The following PKIB variants were observed in gnomAD, a reference collection of about 807,000 sequenced individuals.
PKIB encodes PKI-beta.
Under a neutral mutation model 4.5 loss-of-function variants are expected in PKIB, and 2 were observed. The ratio of observed to expected loss-of-function variants is 0.44; its 90% CI spans 0.18 to 1.39. The LOEUF (loss-of-function observed/expected upper bound fraction) is 1.39, where lower values mean the gene tolerates loss of function less well. Ranked by LOEUF, PKIB falls within the 40% of genes most tolerant of loss-of-function variation. The pLI is 0.27. For missense variants in PKIB, 94 were observed against 92.6 expected (o/e 1.02, Z -0.06); for synonymous variants, 38 against 36.0 (o/e 1.06, Z -0.20).
At chr6:122,544,767 A>G (rs1772438687) in intron 2 of PKIB, among the ~76,000 whole-genome samples, 1 of 152,140 alleles carries the variant, frequency 6.6e-6, no homozygotes, top group Non-Finnish European at 1.5e-5. Flanking sequence ...TAATATCCAG[A>G]ATCTGTAAAG....
At chr6:122,564,271 A>T (rs111558500) in intron 2 of PKIB, among the ~76,000 whole-genome samples, 1 of 152,098 alleles carries the variant, frequency 6.6e-6, no homozygotes, top group African/African-American at 2.4e-5. Flanking sequence ...TTGTTCTTGC[A>T]CTTGATCTGG....
intron 2 of PKIB, among the ~76,000 whole-genome samples, chr6:122,648,524 A>T (rs929164547): frequency 6.6e-6 from 1 of 152,222 alleles, no homozygotes; most frequent in African/African-American, 2.4e-5. Context: ...ACTCAGGATG[A>T]TGGAGAACAT....
At chr6:122,472,047 A>T (rs1775319119) in intron 1 of PKIB, 1 of 477,856 alleles carries the variant, frequency 2.1e-6, no homozygotes. Context: ...AAACGGTGTG[A>T]GCAAAACCCA....
chr6:122,665,120 A>G (rs565602968), intron 2 of PKIB, among the ~76,000 whole-genome samples: 19 of 152,314 alleles, frequency 1.2e-4, no homozygotes, highest in African/African-American at 3.8e-4. Flanking sequence ...TTGTTGACTC[A>G]TATACCTGGG....
rs564951960 is a variant in PKIB, at chr6:122,642,224, A to G, written c.-76+8857A>G. On this transcript the variant is annotated intron_variant, in intron 2 of 4. Transcript: ENST00000368452. ...TTTTGATTATTCATTCTTTTCTTAAATAAACTCTTAAATTTATTTTGTCTA... is the reference window on the plus strand; with the variant it reads ...TTTTGATTATTCATTCTTTTCTTAAGTAAACTCTTAAATTTATTTTGTCTA... Among the ~76,000 whole-genome samples the G allele has an allele frequency of 7.2e-4, 110 of 152,348 alleles. 1 individual carries two copies. The South Asian group carries it at 0.022, about 31-fold the overall frequency.
chr6:122,560,789 AATTT>A (rs1032034223), intron 2 of PKIB, among the ~76,000 whole-genome samples: 15 of 152,024 alleles, frequency 9.9e-5, no homozygotes, highest in African/African-American at 3.1e-4. Flanking sequence ...TTTTTCCAGG[AATTT>A]ATTTATCTCT....
chr6:122,620,508 C>T (rs998798268), intron 1 of PKIB, among the ~76,000 whole-genome samples: 25 of 152,316 alleles, frequency 1.6e-4, no homozygotes, highest in Middle Eastern at 6.8e-3. Context: ...CTTGGTTTAA[C>T]TTAGACAATC....
At chr6:122,496,682 T>G (rs1026337231) in intron 2 of PKIB, among the ~76,000 whole-genome samples, 1 of 152,214 alleles carries the variant, frequency 6.6e-6, no homozygotes, top group East Asian at 1.9e-4. Context: ...CAAAAATTTT[T>G]AAAAATTCAA....
intron 3 of PKIB, among the ~76,000 whole-genome samples, chr6:122,587,909 G>C (rs1242324693): frequency 6.6e-6 from 1 of 152,132 alleles, no homozygotes; most frequent in African/African-American, 2.4e-5. Flanking sequence ...GTTCATTGTA[G>C]ATTCTGGATA....
At chr6:122,497,161 T>A (rs1364021274) in intron 2 of PKIB, among the ~76,000 whole-genome samples, 5 of 152,184 alleles carry the variant, frequency 3.3e-5, no homozygotes, top group African/African-American at 9.7e-5. Flanking sequence ...AAAATCTTGT[T>A]CAGACAAGAA....
At chr6:122,667,398 G>A (rs1367611315) in intron 2 of PKIB, among the ~76,000 whole-genome samples, 3 of 152,076 alleles carry the variant, frequency 2.0e-5, no homozygotes, top group Non-Finnish European at 4.4e-5. Flanking sequence ...TTAGCTGGGC[G>A]TGGTGGCGGG....
chr6:122,678,377 A>G (rs567419686), intron 3 of PKIB, among the ~76,000 whole-genome samples: 1 of 152,254 alleles, frequency 6.6e-6, no homozygotes, highest in South Asian at 2.1e-4. Flanking sequence ...CTATAGTTGC[A>G]CCATTTTCTC....
chr6:122,625,920 T>C (rs1775423703), intron 1 of PKIB, among the ~76,000 whole-genome samples: 1 of 151,940 alleles, frequency 6.6e-6, no homozygotes, highest in African/African-American at 2.4e-5. Flanking sequence ...AATACAACAA[T>C]TAGTCAGGTG....
chr6:122,492,294 A>G (rs760163607), intron 2 of PKIB, among the ~76,000 whole-genome samples: 4 of 152,188 alleles, frequency 2.6e-5, no homozygotes, highest in Non-Finnish European at 4.4e-5. Context: ...GGTAGTGTTC[A>G]TGGGACAAAA....
At chr6:122,572,581 A>C (rs1773397346) in intron 2 of PKIB, among the ~76,000 whole-genome samples, 1 of 152,006 alleles carries the variant, frequency 6.6e-6, no homozygotes, top group Non-Finnish European at 1.5e-5. Context: ...GAGAAACAAT[A>C]ACAAAGCAAA....
At chr6:122,533,328 C>T (rs1224139256) in intron 2 of PKIB, among the ~76,000 whole-genome samples, 1 of 152,032 alleles carries the variant, frequency 6.6e-6, no homozygotes, top group Non-Finnish European at 1.5e-5. Flanking sequence ...TACCACCGTG[C>T]CTAGCTAATT....
intron 2 of PKIB, among the ~76,000 whole-genome samples, chr6:122,580,731 C>T (rs1773678925): frequency 6.6e-6 from 1 of 152,132 alleles, no homozygotes; most frequent in African/African-American, 2.4e-5. Context: ...CAGCATACCA[C>T]CTTCCCCCCA....
chr6:122,508,812 G>T (rs934713627), intron 2 of PKIB, among the ~76,000 whole-genome samples: 4 of 151,876 alleles, frequency 2.6e-5, no homozygotes, highest in South Asian at 2.1e-4. Flanking sequence ...ATGCAGTAAC[G>T]CCATCTCGAC....
At chr6:122,530,781 C>T (rs1160629054) in intron 2 of PKIB, among the ~76,000 whole-genome samples, 2 of 152,196 alleles carry the variant, frequency 1.3e-5, no homozygotes, top group African/African-American at 4.8e-5. Context: ...ACATTGGAAA[C>T]GTGGTCAACT....
Sources: allele counts gnomAD v4.1 joint callset (sites outside exome capture counted in the v4.1 genomes callset), GRCh38; gene constraint gnomAD v4.1.1; transcripts MANE v1.5; gene names NCBI Gene and HGNC (gene_info 2026-07-23, HGNC 2026-07-21).